Variants in TTLL5 observed in about 807,000 individuals in gnomAD.
TTLL5 encodes tubulin tyrosine ligase like 5.
In TTLL5, 132 loss-of-function variants were observed where a neutral mutation model predicts 168.4. The ratio of observed to expected loss-of-function variants is 0.78; its 90% confidence interval spans 0.68 to 0.91. The LOEUF is 0.91. Ranked by LOEUF, TTLL5 falls within the 40% of genes least tolerant of loss-of-function variation. The pLI is 0.00. For missense variants in TTLL5, 1,545 were observed against 1,581.5 expected, an observed-to-expected ratio of 0.98 and a Z score of 0.39; for synonymous variants, 546 against 558.6, an observed-to-expected ratio of 0.98 and a Z score of 0.32.
At chr14:75,900,034 G>A (rs987820196) in intron 30 of TTLL5, among the ~76,000 whole-genome samples, 1 of 151,340 alleles carries the variant, frequency 6.6e-6, no homozygotes, top group Non-Finnish European at 1.5e-5. Flanking sequence ...CAAGCACAGT[G>A]GCTCTAATGG....
Position 75,914,017 on chromosome 14 carries a change from G to GAAAAAAAAAAA in TTLL5, c.3823+11800_3823+11810dup, listed in dbSNP as rs1201862659. ...GCGACAGAGGAAGACTGTTTAAAAG[G>GAAAAAAAAAAA]AAAAAAAAAAAAAAAAATATATATA... On this transcript the variant is annotated intron_variant, in intron 31 of 31. Coordinates refer to ENST00000298832, the MANE Select transcript of TTLL5 (RefSeq NM_015072.5). Among the ~76,000 whole-genome samples, 27 of 31,044 alleles carry GAAAAAAAAAAA rather than the reference G, an allele frequency of 8.7e-4. 1 individual carries two copies. The highest frequency in any genetic ancestry group is 2.2e-3 in the East Asian group (3 of 1,342). The allele number at this position is 31,044 out of a possible 152,430, so 20.4% of individuals were successfully genotyped here. A position where few individuals can be genotyped will look rare whatever the true frequency, so the allele number is the denominator to read the frequency against.
intron 31 of TTLL5, among the ~76,000 whole-genome samples, chr14:75,904,590 G>GTT (rs1207195667): frequency 2.0e-5 from 3 of 152,132 alleles, no homozygotes; most frequent in African/African-American, 7.2e-5. Flanking sequence ...TTATTTAGAA[G>GTT]ATTTTGTGGC....
At chr14:75,779,843 G>T in intron 24 of TTLL5, 141 bp downstream of exon 24, 1 of 759,730 alleles carries the variant, frequency 1.3e-6, no homozygotes, top group Non-Finnish European at 1.9e-6. Flanking sequence ...GGAGGGAGTG[G>T]AGAATGGGGG....
chr14:75,857,236 ACG>A (rs1472087486), intron 28 of TTLL5, among the ~76,000 whole-genome samples: 1 of 152,182 alleles, frequency 6.6e-6, no homozygotes, highest in East Asian at 1.9e-4. Flanking sequence ...TTCATGTCTA[ACG>A]GTATTAATAT....
intron 24 of TTLL5, among the ~76,000 whole-genome samples, chr14:75,781,957 CAAAAAAAAAA>C (rs11350842): frequency 1.2e-4 from 8 of 69,452 alleles, no homozygotes; most frequent in Middle Eastern, 7.7e-3. Context: ...AAACTTTGTT[CAAAAAAAAAA>C]AAAAAAAAAA....
chr14:75,913,217 T>C (rs1226247859), intron 31 of TTLL5, among the ~76,000 whole-genome samples: 3 of 152,188 alleles, frequency 2.0e-5, no homozygotes, highest in Non-Finnish European at 4.4e-5. Context: ...ATGTTGATTG[T>C]CTGCTCCCTG....
intron 30 of TTLL5, among the ~76,000 whole-genome samples, chr14:75,895,989 A>G (rs2032644050): frequency 6.6e-6 from 1 of 152,186 alleles, no homozygotes. Context: ...CTACTCAGGA[A>G]TGAAGAGGAC....
chr14:75,789,083 G>T (rs948762570), intron 26 of TTLL5, among the ~76,000 whole-genome samples: 4 of 152,118 alleles, frequency 2.6e-5, no homozygotes, highest in African/African-American at 2.4e-5. Context: ...ATTAGGAAGA[G>T]AAGGAGATTC....
At chr14:75,930,265 T>C (rs1355835210) in intron 31 of TTLL5, among the ~76,000 whole-genome samples, 2 of 152,218 alleles carry the variant, frequency 1.3e-5, no homozygotes, top group Non-Finnish European at 2.9e-5. Flanking sequence ...AAACAGAATT[T>C]CAAATTGTAG....
intron 29 of TTLL5, among the ~76,000 whole-genome samples, chr14:75,875,491 G>A (rs1368146382): frequency 2.0e-5 from 3 of 150,756 alleles, no homozygotes; most frequent in African/African-American, 4.9e-5. Context: ...GCAGTGAGCC[G>A]AGATCGTGCC....
chr14:75,873,662 T>G (rs2031231054), intron 29 of TTLL5, among the ~76,000 whole-genome samples: 1 of 3,814 alleles, frequency 2.6e-4, no homozygotes, highest in Admixed American at 3.1e-3. Context: ...TTTTTAGTTT[T>G]TTTTTTTTAG....
chr14:75,866,014 T>G (rs1000412120), intron 29 of TTLL5, among the ~76,000 whole-genome samples: 1 of 152,144 alleles, frequency 6.6e-6, no homozygotes, highest in African/African-American at 2.4e-5. Context: ...TAAAAATGAG[T>G]AAGGGTGAAG....
chr14:75,817,557 C>A (rs1331697828), intron 27 of TTLL5, among the ~76,000 whole-genome samples: 1 of 152,090 alleles, frequency 6.6e-6, no homozygotes, highest in African/African-American at 2.4e-5. Context: ...TATACTCTTG[C>A]TAAAAATGAC....
chr14:75,943,319 G>A (rs1471109689), intron 31 of TTLL5, among the ~76,000 whole-genome samples: 1 of 152,092 alleles, frequency 6.6e-6, no homozygotes, highest in Non-Finnish European at 1.5e-5. Context: ...TTCTAGACTG[G>A]GACCCCAGAG....
chr14:75,816,516 T>G (rs1894410256), intron 27 of TTLL5, among the ~76,000 whole-genome samples: 1 of 152,246 alleles, frequency 6.6e-6, no homozygotes, highest in Non-Finnish European at 1.5e-5. Context: ...AGGGGCAGTC[T>G]TGCCAAAGGA....
chr14:75,917,967 AG>A (rs1191100027), intron 31 of TTLL5, among the ~76,000 whole-genome samples: 2 of 152,194 alleles, frequency 1.3e-5, no homozygotes, highest in Non-Finnish European at 2.9e-5. Flanking sequence ...GTCCAGGGCT[AG>A]TGCTGCTCTT....
chr14:75,745,274 T>G, intron 16 of TTLL5, 66 bp downstream of exon 16: 2 of 1,457,720 alleles, frequency 1.4e-6, no homozygotes, highest in Non-Finnish European at 1.9e-6. Context: ...TAGTGAGTGA[T>G]TGATAATATT....
chr14:75,806,572 T>C (rs1212345066), intron 27 of TTLL5, among the ~76,000 whole-genome samples: 1 of 152,234 alleles, frequency 6.6e-6, no homozygotes, highest in East Asian at 1.9e-4. Flanking sequence ...TCATGGAAAA[T>C]GTTCCCCAGT....
At chr14:75,665,427 CTGAA>C (rs1173025945) in intron 2 of TTLL5, among the ~76,000 whole-genome samples, 1 of 152,180 alleles carries the variant, frequency 6.6e-6, no homozygotes, top group Non-Finnish European at 1.5e-5. Context: ...CATTTAGTGA[CTGAA>C]TGATTATTAG....
Sources: allele counts gnomAD v4.1 joint callset (sites outside exome capture counted in the v4.1 genomes callset), GRCh38; gene constraint gnomAD v4.1.1; transcripts MANE v1.5; gene names NCBI Gene and HGNC (gene_info 2026-07-23, HGNC 2026-07-21).